The following HCN1 variants were observed in gnomAD, a reference collection of about 807,000 sequenced individuals.
HCN1 encodes the protein potassium/sodium hyperpolarization-activated cyclic nucleotide-gated channel 1.
In HCN1, 13 loss-of-function variants were observed where a neutral mutation model predicts 78.9. That is an observed-to-expected ratio of 0.16 (90% CI 0.11 to 0.26). The LOEUF (loss-of-function observed/expected upper bound fraction) is 0.26. HCN1 is among the 10% of genes least tolerant of loss of function. HCN1 has a pLI of 1.00. For synonymous variants in HCN1, 552 were observed against 455.5 expected, an observed-to-expected ratio of 1.21 and a Z score of -2.70; for missense variants, 810 against 1,154.3, an observed-to-expected ratio of 0.70 and a Z score of 4.32.
chr5:45,420,255 C>T (rs1159120144), intron 3 of HCN1, among the ~76,000 whole-genome samples: 1 of 152,146 alleles, frequency 6.6e-6, no homozygotes, highest in Non-Finnish European at 1.5e-5. Context: ...TGGCACACTA[C>T]TGATTGCTTT....
At chr5:45,668,984 A>C (rs1022842042) in intron 1 of HCN1, among the ~76,000 whole-genome samples, 3 of 151,842 alleles carry the variant, frequency 2.0e-5, no homozygotes, top group Non-Finnish European at 2.9e-5. Context: ...ATTAGAATGA[A>C]TGTAGAAGGG....
At chr5:45,273,006 G>A (rs1227412643) in intron 6 of HCN1, among the ~76,000 whole-genome samples, 1 of 152,050 alleles carries the variant, frequency 6.6e-6, no homozygotes, top group Non-Finnish European at 1.5e-5. Flanking sequence ...GCTCAACTAA[G>A]AACTTCCCAG....
chr5:45,274,494 G>A (rs1044939097), intron 6 of HCN1, among the ~76,000 whole-genome samples: 4 of 152,102 alleles, frequency 2.6e-5, no homozygotes, highest in Admixed American at 1.3e-4. Context: ...CTGTAAAAGA[G>A]TGCCTATAAA....
chr5:45,423,178 G>A (rs1740262768), intron 3 of HCN1, among the ~76,000 whole-genome samples: 1 of 151,804 alleles, frequency 6.6e-6, no homozygotes, highest in African/African-American at 2.4e-5. Context: ...CACCTACTAT[G>A]TACCCATAAA....
intron 5 of HCN1, among the ~76,000 whole-genome samples, chr5:45,308,643 A>G (rs979236965): frequency 6.6e-6 from 1 of 152,070 alleles, no homozygotes; most frequent in Non-Finnish European, 1.5e-5. Context: ...TGCATTTTCA[A>G]TTTCAGATAT....
chr5:45,537,420 C>T lies in HCN1; in HGVS notation c.850-75413G>A, dbSNP rs115309370. 4.4e-3 allele frequency among the ~76,000 whole-genome samples: 643 copies of T among 147,208 alleles called. 6 individuals are homozygous for T. The highest frequency in any genetic ancestry group is 0.016 in the African/African-American group (623 of 39,992). ...TTTTTTTGTTTTTTTTTAACAATACCTCTGTTTGAAAACATTTGCCAAACA... is the reference window on the plus strand; with the variant it reads ...TTTTTTTGTTTTTTTTTAACAATACTTCTGTTTGAAAACATTTGCCAAACA... On this transcript the variant is annotated intron_variant, in intron 2 of 7. Coordinates refer to ENST00000303230, the MANE Select transcript of HCN1 (RefSeq NM_021072.4).
intron 2 of HCN1, among the ~76,000 whole-genome samples, chr5:45,535,831 C>G (rs1317693405): frequency 6.6e-6 from 1 of 151,990 alleles, no homozygotes; most frequent in Non-Finnish European, 1.5e-5. Flanking sequence ...ATTTTTAATC[C>G]TTTCTGGTAA....
At chr5:45,565,543 C>G in intron 2 of HCN1, among the ~76,000 whole-genome samples, 1 of 152,068 alleles carries the variant, frequency 6.6e-6, no homozygotes, top group East Asian at 1.9e-4. Context: ...AGCAGTCATG[C>G]CTGGCACGGT....
chr5:45,284,112 A>G, intron 6 of HCN1, among the ~76,000 whole-genome samples: 1 of 152,054 alleles, frequency 6.6e-6, no homozygotes, highest in East Asian at 1.9e-4. Flanking sequence ...GAACACAAAG[A>G]AGGGAACAGA....
chr5:45,438,584 CG>C (rs950001265), intron 3 of HCN1, among the ~76,000 whole-genome samples: 6 of 147,992 alleles, frequency 4.1e-5, no homozygotes, highest in Non-Finnish European at 8.9e-5. Context: ...AGCGAGACTC[CG>C]TCTCAAAAAA....
At chr5:45,607,575 A>G (rs1345586843) in intron 2 of HCN1, among the ~76,000 whole-genome samples, 1 of 140,886 alleles carries the variant, frequency 7.1e-6, no homozygotes, top group African/African-American at 2.7e-5. Context: ...AGATCACAAT[A>G]TCATTATATA....
intron 2 of HCN1, among the ~76,000 whole-genome samples, chr5:45,534,440 A>C (rs1345501063): frequency 1.4e-5 from 2 of 141,626 alleles, no homozygotes; most frequent in Non-Finnish European, 3.1e-5. Flanking sequence ...AAAAAAAAAA[A>C]AAAAATTAAT....
At chr5:45,419,786 T>G (rs1467095352) in intron 3 of HCN1, among the ~76,000 whole-genome samples, 1 of 152,194 alleles carries the variant, frequency 6.6e-6, no homozygotes, top group Non-Finnish European at 1.5e-5. Flanking sequence ...CTACATTACT[T>G]TCTTTTCTGG....
intron 6 of HCN1, among the ~76,000 whole-genome samples, chr5:45,281,354 C>T (rs1181020746): frequency 6.6e-6 from 1 of 151,904 alleles, no homozygotes; most frequent in African/African-American, 2.4e-5. Flanking sequence ...TAGTATGTGC[C>T]TATTTCCTCT....
intron 1 of HCN1, among the ~76,000 whole-genome samples, chr5:45,693,377 G>A (rs1739950926): frequency 6.6e-6 from 1 of 151,644 alleles, no homozygotes. Context: ...TATTTTTTCA[G>A]ATATCTTTCA....
intron 5 of HCN1, among the ~76,000 whole-genome samples, chr5:45,310,490 G>T (rs371930492): frequency 4.6e-5 from 7 of 152,130 alleles, no homozygotes; most frequent in African/African-American, 1.7e-4. Flanking sequence ...AGTCACAATG[G>T]TTATTATTAA....
At chr5:45,375,738 T>TATTATATATAATATCATATTTTATGATAC (rs1561131682) in intron 4 of HCN1, among the ~76,000 whole-genome samples, 2 of 106,274 alleles carry the variant, frequency 1.9e-5, no homozygotes, top group Admixed American at 1.1e-4. Context: ...TTTTATGATA[T>TATTATATATAATATCATATTTTATGATAC]ATCTTATATA....
chr5:45,682,290 C>CATATATATATATAT (rs1340648040), intron 1 of HCN1, among the ~76,000 whole-genome samples: 1,051 of 52,626 alleles, frequency 0.02, 29 homozygotes, highest in African/African-American at 0.063. Flanking sequence ...TATATATATA[C>CATATATATATATAT]ACATATATAT....
intron 6 of HCN1, among the ~76,000 whole-genome samples, chr5:45,281,657 G>A (rs1211411470): frequency 1.5e-5 from 2 of 133,026 alleles, no homozygotes; most frequent in African/African-American, 2.9e-5. Context: ...GCATGATCTC[G>A]GCTCACTGTA....
Sources: allele counts gnomAD v4.1 joint callset (sites outside exome capture counted in the v4.1 genomes callset), GRCh38; gene constraint gnomAD v4.1.1; transcripts MANE v1.5; gene names NCBI Gene and HGNC (gene_info 2026-07-23, HGNC 2026-07-21).